NFE2L2: variants seen among roughly 807,000 people sequenced by gnomAD.
The protein encoded by NFE2L2 is NFE2 like bZIP transcription factor 2.
A neutral mutation model predicts 49.6 loss-of-function variants in NFE2L2; 20 were observed. The observed-to-expected ratio is 0.40, with a 90% CI of 0.28 to 0.59. NFE2L2 has a LOEUF of 0.59. Ranked by LOEUF, NFE2L2 falls within the 20% of genes least tolerant of loss-of-function variation. The pLI, the probability that NFE2L2 is intolerant of heterozygous loss-of-function variation, is 0.40. For synonymous variants in NFE2L2, 244 were observed against 256.5 expected (o/e 0.95, Z 0.47); for missense variants, 578 against 714.2 (o/e 0.81, Z 2.17).
intron 1 of NFE2L2, among the ~76,000 whole-genome samples, chr2:177,259,257 G>A (rs1248838706): frequency 6.6e-6 from 1 of 151,742 alleles, no homozygotes; most frequent in African/African-American, 2.4e-5. Context: ...AGCCCAGACT[G>A]TACCAATGCA....
chr2:177,232,162 T>C (rs746534997), intron 4 of NFE2L2, 154 bp from the exon 5 acceptor site: 362 of 932,548 alleles, frequency 3.9e-4, no homozygotes, highest in Non-Finnish European at 5.0e-4. Context: ...CCAATACATA[T>C]TTACGCCTAA....
In NFE2L2 at chr2:177,248,538, T is replaced by C. The variant is rs371630805; in HGVS notation, c.46-14267A>G. ...GATTCTCTTGCCTCAGCCTCCCAAG[T>C]AGCTTGGATTACAGGCATGCGCCAC... On this transcript the variant is annotated intron_variant, in intron 1 of 4. Transcript: ENST00000397062. Among the ~76,000 whole-genome samples the C allele has an allele frequency of 2.1e-3, 317 of 152,270 alleles. 3 individuals carry two copies. Among genetic ancestry groups the C allele is most frequent in the African/African-American group, 7.3e-3 (303 of 41,546 alleles).
rs552241927 is a variant in NFE2L2, at chr2:177,232,354, T to TA, written c.594+37dup. 146 of 1,557,078 alleles carry TA rather than the reference T, an allele frequency of 9.4e-5. 1 individual carries two copies. Among genetic ancestry groups the TA allele is most frequent in the African/African-American group, 8.2e-4 (60 of 72,966 alleles). Reference sequence around the variant, plus strand: ...TCAGAATGACTAAAGGCACTGAATATAAAAAAAATCTCCAGTATTACATTC... The same window carrying TA: ...TCAGAATGACTAAAGGCACTGAATATAAAAAAAAATCTCCAGTATTACATTC... On this transcript the variant is annotated intron_variant, in intron 4 of 4. Coordinates refer to ENST00000397062, the MANE Select transcript of NFE2L2 (RefSeq NM_006164.5).
intron 1 of NFE2L2, among the ~76,000 whole-genome samples, chr2:177,259,371 A>G (rs1232940567): frequency 6.6e-6 from 1 of 152,162 alleles, no homozygotes; most frequent in East Asian, 1.9e-4. Flanking sequence ...TAGTACCAGC[A>G]GTTTGGACCA....
At position 177,264,680 on chromosome 2, in the gene NFE2L2, TGGCGGCTGCGTCGGC is replaced by T; in HGVS notation, c.-119_-105del. 1 of 913,068 alleles carries T rather than the reference TGGCGGCTGCGTCGGC, an allele frequency of 1.1e-6. No individual in the cohort carries two copies. Among genetic ancestry groups the T allele is most frequent in the Non-Finnish European group, 1.5e-6 (1 of 680,842 alleles). The allele number at this position is 913,068 out of a possible 1,614,324, so 56.6% of individuals were successfully genotyped here. A position where few individuals can be genotyped will look rare whatever the true frequency, so the allele number is the denominator to read the frequency against. The stretch of plus-strand genomic sequence containing the variant: ...GCTCTGGTGGCGGCGGCGGCGGCGG[TGGCGGCTGCGTCGGC>T]GGCTCCTCCGGGCTCCCCGGCACTC... On this transcript the variant is annotated 5_prime_UTR_variant, in exon 1 of 5. Transcript: ENST00000397062.
intron 1 of NFE2L2, among the ~76,000 whole-genome samples, chr2:177,254,431 AG>A (rs1161498159): frequency 6.6e-6 from 1 of 152,230 alleles, no homozygotes; most frequent in Non-Finnish European, 1.5e-5. Flanking sequence ...CCATTTCCTA[AG>A]AACAAGCAGC....
chr2:177,237,202 G>C (rs1394448097), intron 1 of NFE2L2, among the ~76,000 whole-genome samples: 1 of 152,144 alleles, frequency 6.6e-6, no homozygotes, highest in African/African-American at 2.4e-5. Context: ...GCCATTGGTT[G>C]CATCATGGAA....
chr2:177,237,145 C>T (rs918974769), intron 1 of NFE2L2, among the ~76,000 whole-genome samples: 5 of 152,288 alleles, frequency 3.3e-5, no homozygotes, highest in African/African-American at 1.2e-4. Flanking sequence ...CAGGCATGAA[C>T]CACTCCACTG....
chr2:177,241,610 C>A (rs1689939116), intron 1 of NFE2L2, among the ~76,000 whole-genome samples: 2 of 152,202 alleles, frequency 1.3e-5, no homozygotes, highest in African/African-American at 2.4e-5. Context: ...GTAATCCCAG[C>A]TCTTTGGGAG....
At chr2:177,262,467 T>A (rs1574287710) in intron 1 of NFE2L2, among the ~76,000 whole-genome samples, 1 of 150,614 alleles carries the variant, frequency 6.6e-6, no homozygotes, top group South Asian at 2.1e-4. Flanking sequence ...ACCTGGAGAG[T>A]TTTTTTTGAC....
Position 177,231,693 on chromosome 2 carries a change from T to A in NFE2L2, c.910A>T (p.Thr304Ser), listed in dbSNP as rs372043645. 3.7e-6 allele frequency: 6 copies of A among 1,614,190 alleles called. No individual in the cohort carries two copies. The highest frequency in any genetic ancestry group is 5.1e-6 in the Non-Finnish European group (6 of 1,179,994). ...SISNSMPSPA[T>S]LSHSLSELLN... The stretch of plus-strand genomic sequence containing the variant: ...AGTTCAGAGAGTGAATGGCTTAAAG[T>A]AGCAGGTGAGGGCATGCTGTTGCTG... The change falls in exon 5 of 5, where the codon ACT becomes TCT. Residue 304 changes from threonine to serine, a missense_variant. This residue lies in a region of NFE2L2 where 368 missense variants were observed against 384.6 expected (regional missense o/e 0.96). Coordinates refer to ENST00000397062, the MANE Select transcript of NFE2L2 (RefSeq NM_006164.5).
intron 2 of NFE2L2, 123 bp from the exon 3 acceptor site, chr2:177,233,462 T>C: frequency 2.6e-6 from 2 of 775,614 alleles, no homozygotes; most frequent in Non-Finnish European, 4.1e-6. Flanking sequence ...ATTTATCTTA[T>C]TTCAGAGATC....
intron 1 of NFE2L2, among the ~76,000 whole-genome samples, chr2:177,239,585 G>T (rs972098801): frequency 6.6e-6 from 1 of 152,154 alleles, no homozygotes; most frequent in Non-Finnish European, 1.5e-5. Context: ...ACTAAGGTGG[G>T]AGGACTGCTT....
chr2:177,231,969 T>C lies in NFE2L2; in HGVS notation c.634A>G (p.Met212Val). 1 of 1,612,980 alleles carries C rather than the reference T, an allele frequency of 6.2e-7. No homozygotes were observed. Among genetic ancestry groups the C allele is most frequent in the Non-Finnish European group, 8.5e-7 (1 of 1,179,338 alleles). ...AGTTTGGCTTCTGGACTTGGAACCA[T>C]GGTAGTCTCAACCAGCTTGTCATTT... ...IENDKLVETT[M>V]VPSPEAKLTE... Residue 212 changes from methionine to valine, a missense_variant, in exon 5 of 5, where the codon ATG becomes GTG. By Grantham distance (21) the Met-to-Val change is conservative. Coordinates refer to ENST00000397062, the MANE Select transcript of NFE2L2 (RefSeq NM_006164.5).
Position 177,241,989 on chromosome 2 carries a change from C to A in NFE2L2, c.46-7718G>T, listed in dbSNP as rs770675919. Among the ~76,000 whole-genome samples, 7 of 152,220 alleles carry A rather than the reference C, an allele frequency of 4.6e-5. No individual in the cohort carries two copies. In the South Asian group the frequency reaches 1.4e-3, roughly 32 times the overall value. On this transcript the variant is annotated intron_variant, in intron 1 of 4. Coordinates refer to ENST00000397062, the MANE Select transcript of NFE2L2 (RefSeq NM_006164.5). The stretch of plus-strand genomic sequence containing the variant: ...ATCTTGCTGATGACTAATTACATTT[C>A]ATAGATATGTATCTGCCTATTTACT...
intron 1 of NFE2L2, among the ~76,000 whole-genome samples, chr2:177,253,883 A>G (rs912111777): frequency 2.6e-5 from 4 of 152,236 alleles, no homozygotes; most frequent in South Asian, 2.1e-4. Flanking sequence ...GAATTTTGCA[A>G]TGTGGACAAT....
In NFE2L2 at chr2:177,231,795, A is replaced by C. The variant is rs1316673150; in HGVS notation, c.808T>G (p.Ser270Ala). The C allele has an allele frequency of 6.2e-7, 1 of 1,614,228 alleles. No homozygotes were observed. The highest frequency in any genetic ancestry group is 1.7e-5 in the Admixed American group (1 of 60,028). ...TEDPNQLTVNSLNSDATVNTD... is the reference protein window; with the variant it reads ...TEDPNQLTVNALNSDATVNTD... ...TTGACTGTGGCATCTGAATTTAATG[A>C]GTTCACTGTCAACTGGTTGGGGTCT... The change falls in exon 5 of 5, where the codon TCA (serine) becomes GCA (alanine). Residue 270 changes from serine (S) to alanine (A), a missense_variant. Transcript: ENST00000397062.
chr2:177,260,738 A>C lies in NFE2L2; in HGVS notation c.45+3794T>G, dbSNP rs537193439. ...CAAAAAGAGCCAATGGAACAGAAGA[A>C]ATGTACCAAGTAGCAAGGCAAACAA... On this transcript the variant is annotated intron_variant, in intron 1 of 4. Transcript: ENST00000397062. Among the ~76,000 whole-genome samples, 5 of 152,350 alleles carry C rather than the reference A, an allele frequency of 3.3e-5. No individual in the cohort carries two copies. The East Asian group carries it at 9.6e-4, about 29-fold the overall frequency.
chr2:177,262,544 TAAAC>T (rs929663670), intron 1 of NFE2L2, among the ~76,000 whole-genome samples: 1 of 152,256 alleles, frequency 6.6e-6, no homozygotes, highest in Non-Finnish European at 1.5e-5. Context: ...ATATGAATCA[TAAAC>T]AAAATCAATT....
Sources: allele counts gnomAD v4.1 joint callset (sites outside exome capture counted in the v4.1 genomes callset), GRCh38; gene constraint gnomAD v4.1.1; regional missense constraint gnomAD v4.1.1; transcripts MANE v1.5; gene names NCBI Gene and HGNC (gene_info 2026-07-23, HGNC 2026-07-21).